Variants in PDE4D observed in about 807,000 individuals in gnomAD.
The protein encoded by PDE4D is 3',5'-cyclic-AMP phosphodiesterase 4D.
A neutral mutation model predicts 87.4 loss-of-function variants in PDE4D; 24 were observed. The observed-to-expected ratio is 0.27, with a 90% CI of 0.20 to 0.39. PDE4D has a LOEUF of 0.39. PDE4D is among the 10% of genes least tolerant of loss of function. The probability of loss-of-function intolerance (pLI) is 1.00; values close to 1 mark genes in which losing one functional copy is unlikely to be tolerated. For missense variants in PDE4D, 714 were observed against 1,041.0 expected (o/e 0.69, Z 4.32); for synonymous variants, 384 against 383.2 (o/e 1.00, Z -0.02).
At chr5:60,512,317 A>G (rs1050767144) in intron 1 of PDE4D, among the ~76,000 whole-genome samples, 20 of 152,200 alleles carry the variant, frequency 1.3e-4, no homozygotes, top group African/African-American at 4.1e-4. Context: ...CTCTCTCTTC[A>G]AGAGTTAGAA....
At chr5:59,395,806 C>T in intron 1 of PDE4D, among the ~76,000 whole-genome samples, 1 of 120,294 alleles carries the variant, frequency 8.3e-6, no homozygotes, top group African/African-American at 3.3e-5. Context: ...GACATTCAAA[C>T]CAAAGGCAAA....
At chr5:59,440,918 T>C (rs781253508) in intron 1 of PDE4D, among the ~76,000 whole-genome samples, 1 of 152,224 alleles carries the variant, frequency 6.6e-6, no homozygotes, top group Non-Finnish European at 1.5e-5. Flanking sequence ...CCCTGCTTCA[T>C]GGTATGCTTA....
At chr5:59,385,334 G>A (rs1350023669) in intron 1 of PDE4D, among the ~76,000 whole-genome samples, 1 of 151,994 alleles carries the variant, frequency 6.6e-6, no homozygotes, top group Non-Finnish European at 1.5e-5. Flanking sequence ...ACATTTTTTG[G>A]ATCTTGCATC....
At chr5:60,299,956 G>C (rs890672224) in intron 1 of PDE4D, among the ~76,000 whole-genome samples, 1 of 152,074 alleles carries the variant, frequency 6.6e-6, no homozygotes, top group African/African-American at 2.4e-5. Flanking sequence ...CTGCCTCAAG[G>C]TCTTTGAGGA....
intron 2 of PDE4D, chr5:59,988,776 A>G: frequency 1.1e-6 from 1 of 899,140 alleles, no homozygotes; most frequent in South Asian, 1.7e-5. Context: ...GTTTATCATT[A>G]CATAATGGCT....
chr5:60,439,138 G>C (rs1017223258), intron 1 of PDE4D, among the ~76,000 whole-genome samples: 4 of 152,158 alleles, frequency 2.6e-5, no homozygotes, highest in African/African-American at 9.6e-5. Context: ...GAAGTTCCCA[G>C]TTGATAACCA....
At chr5:59,291,418 C>T (rs1467695947) in intron 1 of PDE4D, among the ~76,000 whole-genome samples, 4 of 151,792 alleles carry the variant, frequency 2.6e-5, no homozygotes, top group South Asian at 2.1e-4. Flanking sequence ...AGACAGTTTC[C>T]GGAGGTTAGG....
chr5:60,204,973 A>C (rs1186233987), intron 1 of PDE4D, among the ~76,000 whole-genome samples: 1 of 152,198 alleles, frequency 6.6e-6, no homozygotes, highest in Non-Finnish European at 1.5e-5. Context: ...AGCATCAATA[A>C]GTGTTAGCTA....
Position 59,114,990 on chromosome 5 carries a change from G to T in PDE4D, c.808+65605C>A, listed in dbSNP as rs145403116. On this transcript the variant is annotated intron_variant, in intron 5 of 14. Transcript: ENST00000340635. Reference sequence around the variant, plus strand: ...CTGATGGAAGATACAGGATCAAAGAGGAAGGGAATTTTTTCCTTAGGAACT... The same window carrying T: ...CTGATGGAAGATACAGGATCAAAGATGAAGGGAATTTTTTCCTTAGGAACT... 2.0e-5 allele frequency among the ~76,000 whole-genome samples: 3 copies of T among 152,258 alleles called. No individual in the cohort carries two copies. In the East Asian group the frequency reaches 5.8e-4, roughly 29 times the overall value.
At chr5:59,924,057 G>A (rs1754977237) in intron 3 of PDE4D, among the ~76,000 whole-genome samples, 1 of 152,176 alleles carries the variant, frequency 6.6e-6, no homozygotes, top group Admixed American at 6.5e-5. Flanking sequence ...GAATCAGGCA[G>A]AAATTCTGTA....
chr5:59,134,466 G>C (rs1776747342), intron 5 of PDE4D, among the ~76,000 whole-genome samples: 1 of 152,002 alleles, frequency 6.6e-6, no homozygotes, highest in Non-Finnish European at 1.5e-5. Flanking sequence ...TTTTATGAGA[G>C]AGAGACAGTT....
intron 3 of PDE4D, among the ~76,000 whole-genome samples, chr5:59,919,272 A>C (rs1429412670): frequency 2.0e-5 from 3 of 152,184 alleles, no homozygotes; most frequent in African/African-American, 7.2e-5. Flanking sequence ...GCCTGGATTT[A>C]AGATGTGTGC....
intron 1 of PDE4D, among the ~76,000 whole-genome samples, chr5:60,401,464 C>T (rs1741076642): frequency 6.6e-6 from 1 of 152,354 alleles, no homozygotes; most frequent in South Asian, 2.1e-4. Context: ...ACACACATCT[C>T]TGGAGTGTGC....
chr5:59,597,544 A>G lies in PDE4D; in HGVS notation c.455+295624T>C, dbSNP rs7734690. ...GAGAGAGAAAGAGAGAGAGAGAGAG[A>G]TTTTGGAAAAAAAAGAAATACTGTG... On this transcript the variant is annotated intron_variant, in intron 1 of 14. Coordinates refer to ENST00000340635, the MANE Select transcript of PDE4D (RefSeq NM_001104631.2). 2.3e-3 allele frequency among the ~76,000 whole-genome samples: 343 copies of G among 152,184 alleles called. 1 individual carries two copies. The highest frequency in any genetic ancestry group is 8.1e-3 in the African/African-American group (336 of 41,528).
At chr5:59,707,033 T>C (rs1046973460) in intron 1 of PDE4D, among the ~76,000 whole-genome samples, 1 of 152,200 alleles carries the variant, frequency 6.6e-6, no homozygotes, top group Middle Eastern at 3.2e-3. Flanking sequence ...AGCAGAAACT[T>C]AATGCATGAA....
At chr5:59,983,199 C>T (rs915222113) in intron 3 of PDE4D, among the ~76,000 whole-genome samples, 1 of 151,998 alleles carries the variant, frequency 6.6e-6, no homozygotes, top group African/African-American at 2.4e-5. Flanking sequence ...CTCTGCCTGC[C>T]CTCTTAGTGC....
chr5:60,508,180 G>A (rs1750407901), intron 1 of PDE4D, among the ~76,000 whole-genome samples: 1 of 152,186 alleles, frequency 6.6e-6, no homozygotes, highest in South Asian at 2.1e-4. Context: ...ACAATATGTG[G>A]TTATTTTGTG....
chr5:60,506,368 C>T (rs992020825), intron 1 of PDE4D, among the ~76,000 whole-genome samples: 1 of 152,150 alleles, frequency 6.6e-6, no homozygotes, highest in Admixed American at 6.5e-5. Context: ...TTTGGGAAAT[C>T]CCAAAAAGAA....
intron 1 of PDE4D, among the ~76,000 whole-genome samples, chr5:60,518,096 C>T (rs1291568898): frequency 6.6e-6 from 1 of 152,264 alleles, no homozygotes; most frequent in Non-Finnish European, 1.5e-5. Context: ...GGTCCAGCCA[C>T]AGCCTCACAG....
Sources: allele counts gnomAD v4.1 joint callset (sites outside exome capture counted in the v4.1 genomes callset), GRCh38; gene constraint gnomAD v4.1.1; transcripts MANE v1.5; gene names NCBI Gene and HGNC (gene_info 2026-07-23, HGNC 2026-07-21).